The following TMEM108 variants were observed in gnomAD, a reference collection of about 807,000 sequenced individuals.
The protein encoded by TMEM108 is cancer/testis antigen 124.
Under a neutral mutation model 35.1 loss-of-function variants are expected in TMEM108, and 12 were observed. The ratio of observed to expected loss-of-function variants is 0.34; its 90% confidence interval spans 0.22 to 0.55. The LOEUF (loss-of-function observed/expected upper bound fraction) is 0.55, where lower values mean the gene tolerates loss of function less well. TMEM108 is among the 20% of genes least tolerant of loss of function. TMEM108 has a pLI of 0.89. For missense variants in TMEM108, 680 were observed against 753.3 expected, an observed-to-expected ratio of 0.90 and a Z score of 1.14; for synonymous variants, 287 against 308.6, an observed-to-expected ratio of 0.93 and a Z score of 0.73.
At chr3:133,042,235 G>C (rs537378664) in intron 1 of TMEM108, among the ~76,000 whole-genome samples, 1 of 152,270 alleles carries the variant, frequency 6.6e-6, no homozygotes, top group African/African-American at 2.4e-5. Flanking sequence ...GCTACCTCTA[G>C]GTGCAATTAC....
At chr3:133,353,561 C>T (rs1322112656) in intron 3 of TMEM108, among the ~76,000 whole-genome samples, 3 of 152,140 alleles carry the variant, frequency 2.0e-5, no homozygotes, top group Non-Finnish European at 4.4e-5. Flanking sequence ...TGTGGTCACA[C>T]GTCTCTGACC....
chr3:133,089,889 T>C (rs1943927968), intron 2 of TMEM108, among the ~76,000 whole-genome samples: 1 of 152,220 alleles, frequency 6.6e-6, no homozygotes, highest in African/African-American at 2.4e-5. Context: ...CAATTAAATG[T>C]CAATTTAGCA....
At chr3:133,094,635 G>A (rs1158973687) in intron 2 of TMEM108, among the ~76,000 whole-genome samples, 2 of 152,130 alleles carry the variant, frequency 1.3e-5, no homozygotes, top group Non-Finnish European at 2.9e-5. Flanking sequence ...TTCTTCTGCT[G>A]CCACTGCTGG....
At chr3:133,367,884 T>C (rs927495087) in intron 3 of TMEM108, among the ~76,000 whole-genome samples, 1 of 152,228 alleles carries the variant, frequency 6.6e-6, no homozygotes, top group African/African-American at 2.4e-5. Flanking sequence ...TGCTGAGAGA[T>C]GTCAGCATGC....
Position 133,215,365 on chromosome 3 carries a change from TAA to T in TMEM108, c.-46-13886_-46-13885del, listed in dbSNP as rs35908719. Among the ~76,000 whole-genome samples the T allele has an allele frequency of 2.7e-3, 368 of 135,336 alleles. 1 individual carries two copies. Among genetic ancestry groups the T allele is most frequent in the African/African-American group, 7.5e-3 (270 of 35,936 alleles). 88.8% of individuals were successfully genotyped at this position (135,336 alleles called of 152,430 possible). A position where few individuals can be genotyped will look rare whatever the true frequency, so the allele number is the denominator to read the frequency against. ...TCACCAACACAAAAGCATAAAAATG[TAA>T]AAAAAAAAAAAAAAGCACTAAATAG... On this transcript the variant is annotated intron_variant, in intron 2 of 5. Coordinates refer to ENST00000321871, the MANE Select transcript of TMEM108 (RefSeq NM_023943.4).
intron 3 of TMEM108, among the ~76,000 whole-genome samples, chr3:133,317,388 G>A (rs1234830455): frequency 2.0e-5 from 3 of 152,114 alleles, no homozygotes; most frequent in Non-Finnish European, 4.4e-5. Context: ...GGTGAAAAAG[G>A]GAAATTTTTG....
At chr3:133,232,815 G>A (rs1946173275) in intron 3 of TMEM108, among the ~76,000 whole-genome samples, 1 of 152,168 alleles carries the variant, frequency 6.6e-6, no homozygotes, top group Non-Finnish European at 1.5e-5. Context: ...CCTTTCAGAA[G>A]GTTTAACACA....
intron 2 of TMEM108, among the ~76,000 whole-genome samples, chr3:133,059,783 G>T (rs917980050): frequency 6.6e-6 from 1 of 152,078 alleles, no homozygotes; most frequent in Non-Finnish European, 1.5e-5. Flanking sequence ...CTGTTCCTTT[G>T]TTCTAGTTGT....
intron 3 of TMEM108, among the ~76,000 whole-genome samples, chr3:133,335,745 T>C (rs2071483688): frequency 6.6e-6 from 1 of 151,962 alleles, no homozygotes; most frequent in Non-Finnish European, 1.5e-5. Flanking sequence ...GAACCAAAAA[T>C]AAGATGAGCA....
At chr3:133,270,320 C>T (rs901128904) in intron 3 of TMEM108, among the ~76,000 whole-genome samples, 1 of 152,156 alleles carries the variant, frequency 6.6e-6, no homozygotes, top group Non-Finnish European at 1.5e-5. Flanking sequence ...GCTGTATTTC[C>T]AGCACCTAGA....
intron 3 of TMEM108, among the ~76,000 whole-genome samples, chr3:133,307,879 T>A (rs2071066973): frequency 1.3e-5 from 2 of 152,142 alleles, no homozygotes; most frequent in African/African-American, 4.8e-5. Flanking sequence ...TAAAGTAGAT[T>A]TTTCCAATTC....
chr3:133,120,077 T>A (rs369142945), intron 2 of TMEM108, among the ~76,000 whole-genome samples: 1 of 152,216 alleles, frequency 6.6e-6, no homozygotes. Flanking sequence ...CTTCTTCTTC[T>A]AAAAACTTTA....
intron 2 of TMEM108, among the ~76,000 whole-genome samples, chr3:133,105,244 A>T (rs1367449676): frequency 6.6e-6 from 1 of 152,080 alleles, no homozygotes; most frequent in Admixed American, 6.5e-5. Context: ...TGGGACTGAG[A>T]TCTGTTAGCT....
At chr3:133,267,275 C>A (rs570494485) in intron 3 of TMEM108, among the ~76,000 whole-genome samples, 1 of 152,220 alleles carries the variant, frequency 6.6e-6, no homozygotes, top group South Asian at 2.1e-4. Flanking sequence ...TCTAGTAGGA[C>A]TGTCAGACAT....
chr3:133,124,336 G>T (rs1944389024), intron 2 of TMEM108, among the ~76,000 whole-genome samples: 1 of 152,176 alleles, frequency 6.6e-6, no homozygotes, highest in South Asian at 2.1e-4. Flanking sequence ...GGATAAACCT[G>T]GTTTTCTGAG....
At chr3:133,083,358 A>C (rs9822800) in intron 2 of TMEM108, among the ~76,000 whole-genome samples, 36,653 of 152,024 alleles carry the variant, frequency 0.24, 5,326 homozygotes, top group Non-Finnish European at 0.32. Context: ...GAATAAATGG[A>C]TTGAGACAGA....
At chr3:133,249,292 A>G (rs954089312) in intron 3 of TMEM108, among the ~76,000 whole-genome samples, 3 of 152,184 alleles carry the variant, frequency 2.0e-5, no homozygotes, top group Admixed American at 2.0e-4. Context: ...AAGACGGAAA[A>G]CTATTAGGCT....
chr3:133,154,842 T>C (rs1197208985), intron 2 of TMEM108, among the ~76,000 whole-genome samples: 1 of 152,044 alleles, frequency 6.6e-6, no homozygotes, highest in Non-Finnish European at 1.5e-5. Flanking sequence ...GTACATGTAC[T>C]GTAAAACTTA....
intron 2 of TMEM108, among the ~76,000 whole-genome samples, chr3:133,148,338 A>G (rs987101387): frequency 2.6e-5 from 4 of 152,216 alleles, no homozygotes; most frequent in African/African-American, 9.6e-5. Flanking sequence ...CTAATGGCCA[A>G]AGCTAGGCAA....
Sources: gnomAD v4.1 joint callset for allele counts (sites outside exome capture counted in the v4.1 genomes callset) on GRCh38, gnomAD v4.1.1 for gene constraint, MANE v1.5 for transcripts, NCBI Gene and HGNC (gene_info 2026-07-23, HGNC 2026-07-21) for gene names.